Variants in UBE2W observed in about 807,000 individuals in gnomAD.
UBE2W encodes ubiquitin-conjugating enzyme E2 W.
Under a neutral mutation model 27.2 loss-of-function variants are expected in UBE2W, and 18 were observed. The observed-to-expected ratio is 0.66, with a 90% CI of 0.46 to 0.98. The LOEUF (loss-of-function observed/expected upper bound fraction) is 0.98. Ranked by LOEUF, UBE2W falls within the 50% of genes least tolerant of loss-of-function variation. The probability of loss-of-function intolerance (pLI) is 0.00; values close to 1 mark genes in which losing one functional copy is unlikely to be tolerated. For missense variants in UBE2W, 90 were observed against 180.2 expected (o/e 0.50, Z 2.87); for synonymous variants, 53 against 57.2 (o/e 0.93, Z 0.33).
chr8:73,855,394 C>CTTTTTTT lies in UBE2W; in HGVS notation c.15+23407_15+23413dup, dbSNP rs66577299. On this transcript the variant is annotated intron_variant, in intron 1 of 5. Coordinates refer to ENST00000602593, the MANE Select transcript of UBE2W (RefSeq NM_018299.6). ...ATACTTCATCTTTATATTCTACTTT[C>CTTTTTTT]TTTTTTTTTTTTTTTTTTTTTTTTT... Among the ~76,000 whole-genome samples the CTTTTTTT allele has an allele frequency of 3.4e-3, 286 of 84,702 alleles. 5 individuals carry two copies. The highest frequency in any genetic ancestry group is 8.7e-3 in the African/African-American group (168 of 19,404). 55.6% of individuals were successfully genotyped at this position (84,702 alleles called of 152,430 possible).
chr8:73,792,182 ACTTT>A lies in UBE2W; in HGVS notation c.*1916_*1919del, dbSNP rs1037557157. 3 of 985,490 alleles carry A rather than the reference ACTTT, an allele frequency of 3.0e-6. No individual in the cohort carries two copies. The African/African-American group carries it at 5.2e-5, about 17-fold the overall frequency. The allele number at this position is 985,490 out of a possible 1,614,324, so 61.0% of individuals were successfully genotyped here. A position where few individuals can be genotyped will look rare whatever the true frequency, so the allele number is the denominator to read the frequency against. On this transcript the variant is annotated 3_prime_UTR_variant, in exon 6 of 6. Transcript: ENST00000602593. ...GTTTAAAACTATGAGTAATTCAAAG[ACTTT>A]CTGTCTTGGTTAAACAGGCCAACTA...
intron 5 of UBE2W, 81 bp downstream of exon 5, chr8:73,805,570 C>A: frequency 1.4e-6 from 1 of 728,910 alleles, no homozygotes; most frequent in Middle Eastern, 2.8e-4. Context: ...AGCTTCTCTT[C>A]TTTTTCCCAA....
intron 2 of UBE2W, among the ~76,000 whole-genome samples, chr8:73,826,927 A>C (rs764522328): frequency 1.4e-4 from 22 of 152,226 alleles, no homozygotes; most frequent in African/African-American, 4.3e-4. Context: ...ACAAAAAACT[A>C]TCTCTTTATA....
chr8:73,871,434 T>C (rs1421947732), intron 1 of UBE2W, among the ~76,000 whole-genome samples: 1 of 152,244 alleles, frequency 6.6e-6, no homozygotes, highest in African/African-American at 2.4e-5. Flanking sequence ...CCATAATGAT[T>C]TCTGTGCAAT....
intron 2 of UBE2W, 127 bp from the exon 3 acceptor site, chr8:73,825,376 A>G: frequency 1.7e-6 from 1 of 591,578 alleles, no homozygotes; most frequent in African/African-American, 1.9e-5. Context: ...GTAACAGCAC[A>G]TGCCAGCCTC....
At chr8:73,876,539 TAG>T (rs1260856632) in intron 1 of UBE2W, among the ~76,000 whole-genome samples, 9 of 152,072 alleles carry the variant, frequency 5.9e-5, no homozygotes, top group Admixed American at 2.6e-4. Flanking sequence ...CACAGAAGAA[TAG>T]AGAGTGATAA....
At chr8:73,862,379 A>G (rs1167685117) in intron 1 of UBE2W, among the ~76,000 whole-genome samples, 1 of 152,220 alleles carries the variant, frequency 6.6e-6, no homozygotes, top group East Asian at 1.9e-4. Flanking sequence ...ACATATGGCT[A>G]GCCAGTTTTC....
In UBE2W at chr8:73,793,880, G is replaced by A. The variant is rs1808302929; in HGVS notation, c.*222C>T. The A allele has an allele frequency of 3.7e-6, 5 of 1,349,342 alleles. No individual in the cohort carries two copies. Among genetic ancestry groups the A allele is most frequent in the Non-Finnish European group, 4.8e-6 (5 of 1,045,352 alleles). The allele number at this position is 1,349,342 out of a possible 1,614,324, so 83.6% of individuals were successfully genotyped here. A position where few individuals can be genotyped will look rare whatever the true frequency, so the allele number is the denominator to read the frequency against. Reference sequence around the variant, plus strand: ...TTATATTTGACATTTCCTGACACCTGCATTAATACTGTATGACTAATAAAA... The same window carrying A: ...TTATATTTGACATTTCCTGACACCTACATTAATACTGTATGACTAATAAAA... On this transcript the variant is annotated 3_prime_UTR_variant, in exon 6 of 6. Coordinates refer to ENST00000602593, the MANE Select transcript of UBE2W (RefSeq NM_018299.6).
intron 1 of UBE2W, among the ~76,000 whole-genome samples, chr8:73,857,051 T>C (rs1811331110): frequency 1.3e-5 from 2 of 152,216 alleles, no homozygotes. Context: ...CCAGGGTAGT[T>C]ACTTTGTCAA....
rs1343465667 is a variant in UBE2W, at chr8:73,791,751, T to G, written c.*2351A>C. ...AATTTTAAATGTCTGTGCTCCTATA[T>G]TTTAGGATATTTCATCTTATTTTCT... On this transcript the variant is annotated 3_prime_UTR_variant, in exon 6 of 6. Transcript: ENST00000602593. 8.1e-6 allele frequency: 8 copies of G among 984,744 alleles called. No individual in the cohort carries two copies. The highest frequency in any genetic ancestry group is 9.6e-6 in the Non-Finnish European group (8 of 829,416). 61.0% of individuals were successfully genotyped at this position (984,744 alleles called of 1,614,324 possible). A position where few individuals can be genotyped will look rare whatever the true frequency, so the allele number is the denominator to read the frequency against.
chr8:73,810,182 T>A (rs1809096778), intron 4 of UBE2W, among the ~76,000 whole-genome samples: 1 of 152,210 alleles, frequency 6.6e-6, no homozygotes, highest in Non-Finnish European at 1.5e-5. Flanking sequence ...TACTTTTACC[T>A]GTGCATGCTT....
chr8:73,795,768 T>C (rs1414716047), intron 5 of UBE2W: 7 of 983,794 alleles, frequency 7.1e-6, no homozygotes, highest in Non-Finnish European at 6.0e-6. Context: ...ACAAGTAGTT[T>C]ATATCCTCTA....
intron 1 of UBE2W, among the ~76,000 whole-genome samples, chr8:73,867,756 A>T (rs1811842121): frequency 6.6e-6 from 1 of 152,006 alleles, no homozygotes; most frequent in Non-Finnish European, 1.5e-5. Flanking sequence ...ATTTGCATAG[A>T]TATTTCTCCA....
chr8:73,844,748 T>C (rs1367737178), intron 1 of UBE2W, among the ~76,000 whole-genome samples: 18 of 149,480 alleles, frequency 1.2e-4, no homozygotes, highest in Admixed American at 1.1e-3. Flanking sequence ...GGGGAGCACC[T>C]CTGCCCCGCC....
intron 1 of UBE2W, among the ~76,000 whole-genome samples, chr8:73,832,617 TA>T (rs1810121161): frequency 6.6e-6 from 1 of 152,220 alleles, no homozygotes; most frequent in Non-Finnish European, 1.5e-5. Flanking sequence ...TCATAGCTAC[TA>T]TATTGAGGTT....
chr8:73,865,018 C>T (rs1362254743), intron 1 of UBE2W, among the ~76,000 whole-genome samples: 3 of 151,830 alleles, frequency 2.0e-5, no homozygotes. Flanking sequence ...TACAAAGGAA[C>T]ACTAGACAGC....
chr8:73,858,360 C>CAA (rs10538314), intron 1 of UBE2W, among the ~76,000 whole-genome samples: 6 of 90,326 alleles, frequency 6.6e-5, no homozygotes, highest in African/African-American at 1.5e-4. Context: ...GACTTCATCT[C>CAA]AAAAAAAAAA....
At chr8:73,854,981 T>C (rs1335545927) in intron 1 of UBE2W, among the ~76,000 whole-genome samples, 3 of 152,234 alleles carry the variant, frequency 2.0e-5, no homozygotes, top group Non-Finnish European at 4.4e-5. Context: ...ATACGGTAAA[T>C]TTATGTCATC....
At chr8:73,857,488 G>A (rs893990636) in intron 1 of UBE2W, among the ~76,000 whole-genome samples, 6 of 151,952 alleles carry the variant, frequency 3.9e-5, no homozygotes, top group African/African-American at 1.4e-4. Context: ...TCAGTATTTT[G>A]ATAAAGAGCA....
Sources: gnomAD v4.1 joint callset for allele counts (sites outside exome capture counted in the v4.1 genomes callset) on GRCh38, gnomAD v4.1.1 for gene constraint, MANE v1.5 for transcripts, NCBI Gene and HGNC (gene_info 2026-07-23, HGNC 2026-07-21) for gene names.